Variants in SMOC1 observed in about 807,000 individuals in gnomAD.
The protein encoded by SMOC1 is SPARC-related modular calcium-binding protein 1.
In SMOC1, 22 loss-of-function variants were observed where a neutral mutation model predicts 56.3. The ratio of observed to expected loss-of-function variants is 0.39; its 90% CI spans 0.28 to 0.56. SMOC1 has a LOEUF of 0.56. Ranked by LOEUF, SMOC1 falls within the 20% of genes least tolerant of loss-of-function variation. The probability of loss-of-function intolerance (pLI) is 0.61; values close to 1 mark genes in which losing one functional copy is unlikely to be tolerated. For synonymous variants in SMOC1, 193 were observed against 215.0 expected (o/e 0.90, Z 0.89); for missense variants, 509 against 565.4 (o/e 0.90, Z 1.01).
chr14:69,916,654 G>A (rs1005693363), intron 1 of SMOC1, among the ~76,000 whole-genome samples: 1 of 152,206 alleles, frequency 6.6e-6, no homozygotes, highest in African/African-American at 2.4e-5. Context: ...TGTGTGGAAT[G>A]TTCTCTCCCT....
chr14:69,975,659 T>G, intron 3 of SMOC1, 56 bp from the exon 4 acceptor site: 1 of 1,288,906 alleles, frequency 7.8e-7, no homozygotes. Context: ...TGGAGATGAG[T>G]CTTGATATTG....
intron 3 of SMOC1, among the ~76,000 whole-genome samples, chr14:69,958,901 T>G (rs1055017650): frequency 2.6e-5 from 4 of 152,190 alleles, no homozygotes; most frequent in African/African-American, 9.7e-5. Flanking sequence ...TAGGTCTGTG[T>G]ACTAGGGATT....
At chr14:69,971,853 C>T (rs1210441216) in intron 3 of SMOC1, among the ~76,000 whole-genome samples, 3 of 152,176 alleles carry the variant, frequency 2.0e-5, no homozygotes, top group Non-Finnish European at 2.9e-5. Flanking sequence ...CCTTTGCAAA[C>T]GTTTTGCTGA....
chr14:69,927,099 C>T (rs1410554548), intron 1 of SMOC1, among the ~76,000 whole-genome samples: 1 of 152,234 alleles, frequency 6.6e-6, no homozygotes, highest in African/African-American at 2.4e-5. Flanking sequence ...GATGTGGGAA[C>T]TGAGGCACAG....
chr14:69,900,840 A>T (rs1162122820), intron 1 of SMOC1, among the ~76,000 whole-genome samples: 1 of 152,234 alleles, frequency 6.6e-6, no homozygotes, highest in Non-Finnish European at 1.5e-5. Flanking sequence ...GATTAAACTC[A>T]TGGCCACATG....
chr14:69,961,190 G>C (rs564784318), intron 3 of SMOC1, among the ~76,000 whole-genome samples: 175 of 147,316 alleles, frequency 1.2e-3, no homozygotes, highest in African/African-American at 4.3e-3. Flanking sequence ...AGTTTAATCA[G>C]CATAATGTTT....
intron 1 of SMOC1, among the ~76,000 whole-genome samples, chr14:69,936,759 G>A (rs1367587690): frequency 3.9e-5 from 6 of 152,124 alleles, no homozygotes; most frequent in Non-Finnish European, 7.4e-5. Context: ...AGGAAACTTA[G>A]AACTAAAGAA....
intron 9 of SMOC1, among the ~76,000 whole-genome samples, chr14:70,011,771 C>A (rs982084200): frequency 6.6e-6 from 1 of 152,192 alleles, no homozygotes; most frequent in Non-Finnish European, 1.5e-5. Flanking sequence ...TGTGCCTCTT[C>A]GTCTTTATAA....
chr14:69,947,946 C>T (rs538579484), intron 1 of SMOC1, among the ~76,000 whole-genome samples: 1 of 152,332 alleles, frequency 6.6e-6, no homozygotes, highest in East Asian at 1.9e-4. Flanking sequence ...TTGCCTTTAT[C>T]TTAATAGCTC....
At chr14:70,028,306 G>A (rs1886005730) in intron 11 of SMOC1, among the ~76,000 whole-genome samples, 10 of 152,116 alleles carry the variant, frequency 6.6e-5, no homozygotes, top group Admixed American at 6.5e-4. Flanking sequence ...CTTTTGCCTT[G>A]TCTGAGGATG....
At chr14:69,885,275 T>TTC in intron 1 of SMOC1, 1 of 978,586 alleles carries the variant, frequency 1.0e-6, no homozygotes, top group Admixed American at 2.8e-5. Flanking sequence ...TCTTTTTTTT[T>TTC]TTTTTTAAGG....
At chr14:69,944,409 C>T (rs1296241946) in intron 1 of SMOC1, among the ~76,000 whole-genome samples, 1 of 152,142 alleles carries the variant, frequency 6.6e-6, no homozygotes, top group Non-Finnish European at 1.5e-5. Context: ...TGGTTTCTGC[C>T]CTGCCTGTTA....
intron 3 of SMOC1, among the ~76,000 whole-genome samples, chr14:69,972,165 G>A (rs1311208177): frequency 6.6e-6 from 1 of 152,178 alleles, no homozygotes; most frequent in Non-Finnish European, 1.5e-5. Context: ...TTTCAAGGCT[G>A]CAGAAGGAGT....
At chr14:69,896,220 G>A (rs543372503) in intron 1 of SMOC1, among the ~76,000 whole-genome samples, 1 of 152,306 alleles carries the variant, frequency 6.6e-6, no homozygotes, top group African/African-American at 2.4e-5. Context: ...AATGCTGGAG[G>A]ATAGAAGTCT....
At chr14:70,025,166 G>A (rs989885481) in intron 11 of SMOC1, among the ~76,000 whole-genome samples, 3 of 152,126 alleles carry the variant, frequency 2.0e-5, no homozygotes, top group African/African-American at 7.2e-5. Context: ...AAGGATGAGT[G>A]GCTCTGTAAT....
chr14:69,973,712 G>A (rs1026657600), intron 3 of SMOC1, among the ~76,000 whole-genome samples: 11 of 152,154 alleles, frequency 7.2e-5, no homozygotes, highest in African/African-American at 1.2e-4. Flanking sequence ...GATTTCTGTC[G>A]ATAGGTCCAT....
Position 70,002,977 on chromosome 14 carries a change from T to G in SMOC1, c.665-7777T>G, listed in dbSNP as rs984600512. ...TTCTCTCTTTTACTCCTGCAGTGCC[T>G]TCCTCTGCCAAATTCTCAGCCACCC... On this transcript the variant is annotated intron_variant, in intron 7 of 11. Transcript: ENST00000361956. Among the ~76,000 whole-genome samples, 49 of 152,150 alleles carry G rather than the reference T, an allele frequency of 3.2e-4. 1 individual carries two copies. The highest frequency in any genetic ancestry group is 1.2e-4 in the Non-Finnish European group (8 of 68,014).
rs1883569419 is a variant in SMOC1 at position 69,879,495 on chromosome 14, C to A, written c.-184C>A. Reference sequence around the variant, plus strand: ...CAGAGCACACGCTCGCGCTCCAGCTCCCCTCCTGCGCGGTTCATGACTGTG... The same window carrying A: ...CAGAGCACACGCTCGCGCTCCAGCTACCCTCCTGCGCGGTTCATGACTGTG... On this transcript the variant is annotated 5_prime_UTR_variant, in exon 1 of 12. Coordinates refer to ENST00000361956, the MANE Select transcript of SMOC1 (RefSeq NM_001034852.3). 4.6e-6 allele frequency: 2 copies of A among 431,738 alleles called. No individual in the cohort carries two copies. The highest frequency in any genetic ancestry group is 7.9e-6 in the Non-Finnish European group (2 of 251,808). 26.7% of individuals were successfully genotyped at this position (431,738 alleles called of 1,614,324 possible).
intron 1 of SMOC1, among the ~76,000 whole-genome samples, chr14:69,916,671 C>G (rs963870278): frequency 1.3e-5 from 2 of 152,248 alleles, no homozygotes; most frequent in Admixed American, 6.5e-5. Context: ...CCCTAGAAAA[C>G]TGCATGGCTC....
Sources: gnomAD v4.1 joint callset for allele counts (sites outside exome capture counted in the v4.1 genomes callset) on GRCh38, gnomAD v4.1.1 for gene constraint, MANE v1.5 for transcripts, NCBI Gene and HGNC (gene_info 2026-07-23, HGNC 2026-07-21) for gene names.